The following CACYBP variants were observed in gnomAD, a reference collection of about 807,000 sequenced individuals.
The protein encoded by CACYBP is calcyclin-binding protein.
Under a neutral mutation model 29.6 loss-of-function variants are expected in CACYBP, and 11 were observed. The ratio of observed to expected loss-of-function variants is 0.37; its 90% CI spans 0.23 to 0.61. CACYBP has a LOEUF of 0.61. Ranked by LOEUF, CACYBP falls within the 20% of genes least tolerant of loss-of-function variation. The pLI is 0.65. For missense variants in CACYBP, 163 were observed against 260.7 expected, an observed-to-expected ratio of 0.63 and a Z score of 2.58; for synonymous variants, 73 against 88.3, an observed-to-expected ratio of 0.83 and a Z score of 0.97.
chr1:175,005,879 C>T (rs140574337), intron 2 of CACYBP, among the ~76,000 whole-genome samples: 26 of 152,082 alleles, frequency 1.7e-4, no homozygotes, highest in African/African-American at 6.0e-4. Flanking sequence ...ATTTTTTCAT[C>T]AACACTGTTT....
intron 1 of CACYBP, 117 bp downstream of exon 1, chr1:175,000,312 A>G (rs1672438294): frequency 6.7e-7 from 1 of 1,496,018 alleles, no homozygotes; most frequent in Non-Finnish European, 8.9e-7. Context: ...GTCCCGCGCC[A>G]GTCAGTGCGC....
chr1:175,011,309 C>T lies in CACYBP; in HGVS notation c.*1230C>T, dbSNP rs1043230034. 3 of 151,436 alleles carry T rather than the reference C, an allele frequency of 2.0e-5. No homozygotes were observed. The highest frequency in any genetic ancestry group is 2.9e-5 in the Non-Finnish European group (2 of 67,958). 9.4% of individuals were successfully genotyped at this position (151,436 alleles called of 1,614,324 possible). ...TGGGGTTGACACATGAACAGAATAGCAGACACAATGCATATGAAAGTTACA... is the reference window on the plus strand; with the variant it reads ...TGGGGTTGACACATGAACAGAATAGTAGACACAATGCATATGAAAGTTACA... On this transcript the variant is annotated 3_prime_UTR_variant, in exon 6 of 6. Coordinates refer to ENST00000367679, the MANE Select transcript of CACYBP (RefSeq NM_014412.3).
At position 175,000,177 on chromosome 1, in the gene CACYBP, C is replaced by A; in HGVS notation, c.-4C>A. 1 of 1,608,170 alleles carries A rather than the reference C, an allele frequency of 6.2e-7. No homozygotes were observed. Among genetic ancestry groups the A allele is most frequent in the Non-Finnish European group, 8.5e-7 (1 of 1,177,336 alleles). On this transcript the variant is annotated 5_prime_UTR_variant, in exon 1 of 6. Coordinates refer to ENST00000367679, the MANE Select transcript of CACYBP (RefSeq NM_014412.3). ...GCTCGGGACTTCGGCCTGACCCAGCCCCCATGGCTTCAGAAGAGGTAAGTG... is the reference window on the plus strand; with the variant it reads ...GCTCGGGACTTCGGCCTGACCCAGCACCCATGGCTTCAGAAGAGGTAAGTG...
chr1:175,003,185 C>A (rs1672533264), intron 1 of CACYBP, among the ~76,000 whole-genome samples: 1 of 150,686 alleles, frequency 6.6e-6, no homozygotes, highest in Admixed American at 6.6e-5. Flanking sequence ...ATGGCGCGAT[C>A]TCGGGTCACT....
At chr1:175,005,316 G>A (rs1241253668) in intron 2 of CACYBP, among the ~76,000 whole-genome samples, 3 of 134,098 alleles carry the variant, frequency 2.2e-5, no homozygotes, top group South Asian at 4.2e-4. Flanking sequence ...CGTATAACTC[G>A]TAGTATAACA....
At chr1:175,006,874 A>G (rs2149411421) in intron 3 of CACYBP, 33 bp downstream of exon 3, 1 of 1,176,824 alleles carries the variant, frequency 8.5e-7, no homozygotes, top group East Asian at 2.3e-5. Flanking sequence ...AAGACAGTGA[A>G]TTAACAGTCA....
At chr1:175,005,905 G>C (rs960275178) in intron 2 of CACYBP, among the ~76,000 whole-genome samples, 8 of 152,078 alleles carry the variant, frequency 5.3e-5, no homozygotes, top group African/African-American at 1.7e-4. Flanking sequence ...TAATTTTCGA[G>C]GGTACATAGT....
intron 5 of CACYBP, among the ~76,000 whole-genome samples, chr1:175,009,503 G>A (rs370379919): frequency 4.0e-5 from 6 of 151,726 alleles, no homozygotes; most frequent in Admixed American, 6.6e-5. Context: ...AAAATTAGCC[G>A]GGCATGGTGG....
At position 175,000,211 on chromosome 1, in the gene CACYBP, C is replaced by T. The variant is rs764233619; in HGVS notation, c.15+16C>T. The stretch of plus-strand genomic sequence containing the variant: ...TTCAGAAGAGGTAAGTGGTCCGGCC[C>T]CATATTCCTTATGCCCCCCGGCTGG... On this transcript the variant is annotated intron_variant, in intron 1 of 5. Coordinates refer to ENST00000367679, the MANE Select transcript of CACYBP (RefSeq NM_014412.3). 5 of 1,602,884 alleles carry T rather than the reference C, an allele frequency of 3.1e-6. No individual in the cohort carries two copies. The Admixed American group carries it at 8.5e-5, about 27-fold the overall frequency.
intron 4 of CACYBP, 49 bp from the exon 5 acceptor site, chr1:175,008,560 T>A (rs113585434): frequency 8.3e-6 from 7 of 844,058 alleles, no homozygotes; most frequent in Middle Eastern, 3.1e-4. Flanking sequence ...ATATTCATGC[T>A]TATCTCCATG....
At chr1:175,000,638 G>C (rs374710135) in intron 1 of CACYBP, 419 of 1,024,938 alleles carry the variant, frequency 4.1e-4, no homozygotes, top group Middle Eastern at 2.9e-3. Flanking sequence ...CTCCTAGTCA[G>C]GTTTTCTCTA....
rs191669051 is a variant in CACYBP at position 175,003,058 on chromosome 1, A to G, written c.16-1556A>G. ...ATGAGTTTGCAAGATTTTTTGTCAT[A>G]GTAATATGAGCTGTTCTTGGAAGGG... On this transcript the variant is annotated intron_variant, in intron 1 of 5. Transcript: ENST00000367679. Among the ~76,000 whole-genome samples the G allele has an allele frequency of 3.3e-5, 5 of 152,064 alleles. No individual in the cohort carries two copies. In the East Asian group the frequency reaches 7.7e-4, roughly 24 times the overall value.
chr1:175,007,316 T>G, intron 4 of CACYBP, 119 bp downstream of exon 4: 1 of 641,300 alleles, frequency 1.6e-6, no homozygotes, highest in South Asian at 1.9e-5. Context: ...ACCGCCTGTT[T>G]TGTGAATGTT....
At chr1:175,004,587 G>A in intron 1 of CACYBP, 27 bp from the exon 2 acceptor site, 1 of 1,416,682 alleles carries the variant, frequency 7.1e-7, no homozygotes, top group Non-Finnish European at 9.7e-7. Context: ...ATTTATCATA[G>A]CTAACTTATT....
chr1:175,009,797 G>A (rs41266068), intron 5 of CACYBP, 126 bp from the exon 6 acceptor site: 74,969 of 655,938 alleles, frequency 0.11, 4,859 homozygotes, highest in East Asian at 0.24. Context: ...CGTTTTGATT[G>A]TAAATATCTT....
intron 3 of CACYBP, 44 bp downstream of exon 3, chr1:175,006,885 A>G (rs372208487): frequency 6.2e-5 from 67 of 1,079,262 alleles, no homozygotes; most frequent in Non-Finnish European, 7.9e-5. Flanking sequence ...TTAACAGTCA[A>G]CATTGCCTTA....
At chr1:175,000,578 C>T (rs950683121) in intron 1 of CACYBP, 1 of 1,130,190 alleles carries the variant, frequency 8.8e-7, no homozygotes, top group African/African-American at 1.7e-5. Context: ...GAGTGTCGTT[C>T]TTGGTAGAGG....
At position 175,008,670 on chromosome 1, in the gene CACYBP, A is replaced by T; in HGVS notation, c.494A>T (p.Tyr165Phe). ...RKKVENTRWD[Y>F]LTQVEKECKE... ...AAAGTGGAAAACACAAGGTGGGATT[A>T]CCTGACCCAGGTTGAAAAGGAGTGC... Residue 165 changes from tyrosine to phenylalanine, a missense_variant, in exon 5 of 6, where the codon TAC becomes TTC. By Grantham distance (22) the Tyr-to-Phe change is conservative. Transcript: ENST00000367679. 1.3e-6 allele frequency: 2 copies of T among 1,593,352 alleles called. No individual in the cohort carries two copies. The highest frequency in any genetic ancestry group is 1.7e-6 in the Non-Finnish European group (2 of 1,161,098).
chr1:175,004,106 T>G (rs1358608282), intron 1 of CACYBP, among the ~76,000 whole-genome samples: 1 of 152,074 alleles, frequency 6.6e-6, no homozygotes, highest in African/African-American at 2.4e-5. Context: ...GTATTTGAGG[T>G]GGGAAGATAA....
Sources: gnomAD v4.1 joint callset for allele counts (sites outside exome capture counted in the v4.1 genomes callset) on GRCh38, gnomAD v4.1.1 for gene constraint, MANE v1.5 for transcripts, NCBI Gene and HGNC (gene_info 2026-07-23, HGNC 2026-07-21) for gene names.